The following ATM variants were observed in gnomAD, a reference collection of about 807,000 sequenced individuals.
The protein encoded by ATM is ATM serine/threonine kinase.
ATM carries 308 observed loss-of-function variants against 387.0 expected under a neutral mutation model. The observed-to-expected ratio is 0.80, with a 90% CI of 0.73 to 0.87. The LOEUF (loss-of-function observed/expected upper bound fraction) is 0.87. Among genes scored for constraint, ATM ranks in the 40% least tolerant of loss-of-function variants. The pLI is 0.00. For missense variants in ATM, 3,312 were observed against 3,560.9 expected, an observed-to-expected ratio of 0.93 and a Z score of 1.78; for synonymous variants, 1,156 against 1,187.3, an observed-to-expected ratio of 0.97 and a Z score of 0.54.
chr11:108,332,729 C>A (rs762757009), intron 52 of ATM, 33 bp from the exon 53 acceptor site: 2 of 1,601,564 alleles, frequency 1.2e-6, no homozygotes, highest in African/African-American at 2.7e-5. Context: ...TTGGGTAGTT[C>A]CTTATGTAAT....
At chr11:108,303,613 T>G (rs192318334) in intron 36 of ATM, among the ~76,000 whole-genome samples, 4 of 152,296 alleles carry the variant, frequency 2.6e-5, no homozygotes, top group African/African-American at 9.6e-5. Context: ...AGGTCAAACA[T>G]CTGCTGATTA....
intron 45 of ATM, 40 bp from the exon 46 acceptor site, chr11:108,325,270 A>AT: frequency 5.4e-6 from 3 of 559,382 alleles, no homozygotes; most frequent in South Asian, 3.0e-5. Context: ...TTTTTTTTTC[A>AT]TTTCTCTTGC....
At chr11:108,227,259 C>G (rs2078787002) in intron 1 of ATM, 1 of 197,352 alleles carries the variant, frequency 5.1e-6, no homozygotes, top group Non-Finnish European at 1.0e-5. Context: ...GATCCTCCCA[C>G]CTTGGCCTCC....
rs730881310 is a variant in ATM, at chr11:108,302,847, TTCTA to T, written c.5320-5_5320-2del. On this transcript the variant is annotated splice_acceptor_variant and splice_polypyrimidine_tract_variant and intron_variant, in intron 35 of 62. Coordinates refer to ENST00000675843, the MANE Select transcript of ATM (RefSeq NM_000051.4). LOFTEE classifies it high-confidence loss of function. ...TATTTACATTTTCTAATCCCTTTCT[TTCTA>T]GTTTTTAGAAGTACCCAGATTTGAC... 2.5e-6 allele frequency: 4 copies of T among 1,606,964 alleles called. No homozygotes were observed. Among genetic ancestry groups the T allele is most frequent in the Non-Finnish European group, 3.4e-6 (4 of 1,173,950 alleles).
intron 36 of ATM, among the ~76,000 whole-genome samples, chr11:108,303,736 T>G (rs900159486): frequency 3.9e-5 from 6 of 152,196 alleles, no homozygotes; most frequent in African/African-American, 1.4e-4. Context: ...CATCACCTTC[T>G]CTGCAATACT....
chr11:108,247,689 G>A lies in ATM; in HGVS notation c.1065+562G>A, dbSNP rs4987931. On this transcript the variant is annotated intron_variant, in intron 8 of 62. Coordinates refer to ENST00000675843, the MANE Select transcript of ATM (RefSeq NM_000051.4). ...CCGCTCACTGCAACCTCCCTTTCCCGGGTTCAAGTGATTCTCCTGCATCAG... is the reference window on the plus strand; with the variant it reads ...CCGCTCACTGCAACCTCCCTTTCCCAGGTTCAAGTGATTCTCCTGCATCAG... 7.0e-3 allele frequency among the ~76,000 whole-genome samples: 1,061 copies of A among 152,106 alleles called. 18 individuals carry two copies. Among genetic ancestry groups the A allele is most frequent in the African/African-American group, 0.024 (983 of 41,492 alleles).
intron 22 of ATM, among the ~76,000 whole-genome samples, chr11:108,275,306 CTT>C (rs1268614442): frequency 2.6e-5 from 4 of 152,154 alleles, no homozygotes; most frequent in Admixed American, 2.0e-4. Flanking sequence ...GGTCTTGACT[CTT>C]TATCCAATTT....
At chr11:108,332,133 T>C (rs2086325835) in intron 52 of ATM, 96 bp downstream of exon 52, 1 of 1,492,700 alleles carries the variant, frequency 6.7e-7, no homozygotes, top group Admixed American at 1.9e-5. Context: ...AGATGCCATC[T>C]AAAATCGGTT....
intron 45 of ATM, among the ~76,000 whole-genome samples, chr11:108,324,524 T>C (rs2085466837): frequency 6.6e-6 from 1 of 151,982 alleles, no homozygotes; most frequent in Non-Finnish European, 1.5e-5. Flanking sequence ...TGTAAAGGAG[T>C]TCCGCAAAAA....
intron 56 of ATM, among the ~76,000 whole-genome samples, chr11:108,337,864 T>C (rs536475395): frequency 6.6e-6 from 1 of 152,342 alleles, no homozygotes; most frequent in South Asian, 2.1e-4. Context: ...TCCTGAACTC[T>C]CAGAAAGTAG....
chr11:108,282,230 C>T (rs1267472172), intron 24 of ATM, among the ~76,000 whole-genome samples: 1 of 151,884 alleles, frequency 6.6e-6, no homozygotes. Context: ...TGGGTTCATG[C>T]CATTCTCCTG....
intron 44 of ATM, among the ~76,000 whole-genome samples, chr11:108,320,395 A>C (rs1000244798): frequency 8.5e-5 from 13 of 152,218 alleles, no homozygotes; most frequent in South Asian, 2.1e-4. Context: ...ACTCACGGTT[A>C]ATACTTACAA....
At chr11:108,261,484 C>A (rs1456469798) in intron 16 of ATM, among the ~76,000 whole-genome samples, 1 of 152,128 alleles carries the variant, frequency 6.6e-6, no homozygotes, top group African/African-American at 2.4e-5. Flanking sequence ...CCCATCTGTA[C>A]ATCACCATCA....
chr11:108,325,183 T>C, intron 45 of ATM, 127 bp from the exon 46 acceptor site: 1 of 661,266 alleles, frequency 1.5e-6, no homozygotes, highest in Non-Finnish European at 2.5e-6. Flanking sequence ...CAAGTTCTAG[T>C]CTTGTCACTA....
At chr11:108,245,094 T>C in intron 7 of ATM, 68 bp downstream of exon 7, 1 of 1,217,510 alleles carries the variant, frequency 8.2e-7, no homozygotes, top group South Asian at 1.2e-5. Context: ...AAGTATAAAA[T>C]TAGTGTTCTT....
intron 38 of ATM, chr11:108,309,091 G>T: frequency 1.5e-6 from 2 of 1,373,120 alleles, no homozygotes; most frequent in African/African-American, 1.4e-5. Flanking sequence ...GTATGAATGG[G>T]ATATAGAAAA....
intron 3 of ATM, 40 bp downstream of exon 3, chr11:108,227,928 C>T (rs369357467): frequency 6.6e-7 from 1 of 1,506,436 alleles, no homozygotes; most frequent in Non-Finnish European, 9.2e-7. Flanking sequence ...TTATTTTTCT[C>T]TTTCATATTT....
chr11:108,275,373 TA>T (rs2081885675), intron 22 of ATM, among the ~76,000 whole-genome samples: 1 of 152,216 alleles, frequency 6.6e-6, no homozygotes, highest in African/African-American at 2.4e-5. Context: ...TTAAGGTTAA[TA>T]TTGTTATGTG....
rs1555105759 is a variant in ATM, at chr11:108,301,741, A to G, written c.5271A>G (p.Thr1757=). The G allele has an allele frequency of 1.9e-6, 3 of 1,613,682 alleles. No homozygotes were observed. The highest frequency in any genetic ancestry group is 2.5e-6 in the Non-Finnish European group (3 of 1,179,804). Reference sequence around the variant, plus strand: ...TCTGGGAGATTTATAAGATGACAACAGATCCAATGCTGGCCTATCTACAGC... The same window carrying G: ...TCTGGGAGATTTATAAGATGACAACGGATCCAATGCTGGCCTATCTACAGC... ...HSFWEIYKMT[T]DPMLAYLQPF... Residue 1757 remains threonine (T), a synonymous_variant, in exon 35 of 63, where the codon ACA becomes ACG. Coordinates refer to ENST00000675843, the MANE Select transcript of ATM (RefSeq NM_000051.4).
Sources: allele counts gnomAD v4.1 joint callset (sites outside exome capture counted in the v4.1 genomes callset), GRCh38; gene constraint gnomAD v4.1.1; transcripts MANE v1.5; gene names NCBI Gene and HGNC (gene_info 2026-07-23, HGNC 2026-07-21).